Variants in INSR observed in about 807,000 individuals in gnomAD.
The protein encoded by INSR is insulin receptor, also known as IR.
Under a neutral mutation model 142.6 loss-of-function variants are expected in INSR, and 67 were observed. The observed-to-expected ratio is 0.47, with a 90% confidence interval of 0.39 to 0.58. The LOEUF is 0.58. Among genes scored for constraint, INSR ranks in the 20% least tolerant of loss-of-function variants. The pLI is 0.00. For missense variants in INSR, 1,248 were observed against 1,833.2 expected (o/e 0.68, Z 5.83); for synonymous variants, 756 against 743.1 (o/e 1.02, Z -0.28).
chr19:7,125,847 A>C lies in INSR; in HGVS notation c.3014-320T>G, dbSNP rs1972633263. Among the ~76,000 whole-genome samples the C allele has an allele frequency of 6.6e-6, 1 of 151,968 alleles. No individual in the cohort carries two copies. The highest frequency in any genetic ancestry group is 2.1e-4 in the South Asian group (1 of 4,830). Reference sequence around the variant, plus strand: ...ATGGAATGATGCTACTTCCCACCTGAGACTACTGTTTCTGCAAAGTGCCAA... The same window carrying C: ...ATGGAATGATGCTACTTCCCACCTGCGACTACTGTTTCTGCAAAGTGCCAA... On this transcript the variant is annotated intron_variant, in intron 16 of 21. Transcript: ENST00000302850. This position sits in a 1 kb window ranked among gnomAD's most constrained non-coding sequence, Gnocchi z 4.9.
intron 5 of INSR, 97 bp downstream of exon 5, chr19:7,172,193 T>C: frequency 7.5e-7 from 1 of 1,340,346 alleles, no homozygotes; most frequent in Non-Finnish European, 1.1e-6. Flanking sequence ...ATTACAGGCA[T>C]CAGCCACCAC....
At chr19:7,151,702 A>G (rs1973366605) in intron 10 of INSR, among the ~76,000 whole-genome samples, 1 of 150,540 alleles carries the variant, frequency 6.6e-6, no homozygotes, top group South Asian at 2.1e-4. Context: ...AGAAAAAGAA[A>G]AGAAAAAAAA....
At position 7,276,754 on chromosome 19, in the gene INSR, G is replaced by A. The variant is rs11666226; in HGVS notation, c.101-8858C>T. Among the ~76,000 whole-genome samples the A allele has an allele frequency of 8.1e-3, 1,230 of 151,336 alleles. 15 individuals are homozygous for A. Among genetic ancestry groups the A allele is most frequent in the African/African-American group, 0.028 (1,145 of 41,198 alleles). ...ATTTATTTATTTTTATTTTTGAGAC[G>A]GAGTCTCACTCTGTCTCCCAGGCTG... On this transcript the variant is annotated intron_variant, in intron 1 of 21. Coordinates refer to ENST00000302850, the MANE Select transcript of INSR (RefSeq NM_000208.4).
intron 4 of INSR, among the ~76,000 whole-genome samples, chr19:7,172,642 C>T (rs779623009): frequency 2.0e-5 from 3 of 152,096 alleles, no homozygotes; most frequent in East Asian, 3.8e-4. Flanking sequence ...GCACTGGCTG[C>T]GTCTGTTGCT....
intron 11 of INSR, among the ~76,000 whole-genome samples, chr19:7,147,220 G>T (rs1203121865): frequency 6.6e-6 from 1 of 151,498 alleles, no homozygotes; most frequent in Non-Finnish European, 1.5e-5. Context: ...TGTTGCCCAG[G>T]CTGGAGGGCA....
At chr19:7,194,278 G>A (rs1033213249) in intron 2 of INSR, among the ~76,000 whole-genome samples, 7 of 151,946 alleles carry the variant, frequency 4.6e-5, no homozygotes, top group Non-Finnish European at 7.4e-5. Flanking sequence ...TTAGCTGGGC[G>A]TGGTGGTAGG....
intron 3 of INSR, among the ~76,000 whole-genome samples, chr19:7,178,280 G>A (rs1974191162): frequency 7.5e-6 from 1 of 133,144 alleles, no homozygotes; most frequent in South Asian, 2.8e-4. Context: ...AGGGTGGGGG[G>A]CGGTCACCAG....
chr19:7,147,279 A>G (rs1973207927), intron 11 of INSR, among the ~76,000 whole-genome samples: 1 of 151,618 alleles, frequency 6.6e-6, no homozygotes, highest in African/African-American at 2.4e-5. Context: ...GGTTCAAGTG[A>G]TTCTTCTGCC....
intron 2 of INSR, among the ~76,000 whole-genome samples, chr19:7,199,599 A>G (rs1974895843): frequency 8.7e-6 from 1 of 114,626 alleles, no homozygotes; most frequent in South Asian, 2.7e-4. Flanking sequence ...GGGTCTCTCT[A>G]TGTTGCCTAG....
chr19:7,263,015 C>CA (rs1404980255), intron 2 of INSR, among the ~76,000 whole-genome samples: 2 of 152,146 alleles, frequency 1.3e-5, no homozygotes, highest in Non-Finnish European at 2.9e-5. Flanking sequence ...CGGTGGCACT[C>CA]ACCTGTAATC....
intron 2 of INSR, among the ~76,000 whole-genome samples, chr19:7,190,282 T>C (rs1249197448): frequency 6.6e-6 from 1 of 152,122 alleles, no homozygotes; most frequent in Non-Finnish European, 1.5e-5. Flanking sequence ...CCTTCTTATT[T>C]CAGTGACTAT....
intron 17 of INSR, among the ~76,000 whole-genome samples, chr19:7,124,368 CAAAA>C (rs764900420): frequency 1.0e-4 from 2 of 19,578 alleles, no homozygotes; most frequent in Non-Finnish European, 9.7e-5. Flanking sequence ...GACTCCATCT[CAAAA>C]AAAAAAAAAA....
intron 9 of INSR, among the ~76,000 whole-genome samples, chr19:7,160,288 G>T (rs1406950129): frequency 1.3e-5 from 2 of 152,020 alleles, no homozygotes; most frequent in African/African-American, 4.8e-5. Flanking sequence ...CTGAGTAGCT[G>T]GGATTACAGG....
chr19:7,253,614 G>A (rs1976801714), intron 2 of INSR, among the ~76,000 whole-genome samples: 1 of 152,312 alleles, frequency 6.6e-6, no homozygotes, highest in Non-Finnish European at 1.5e-5. Context: ...TTGGAGGAAG[G>A]TGGCCCAATC....
chr19:7,158,435 A>G (rs1030156772), intron 9 of INSR, among the ~76,000 whole-genome samples: 1 of 152,104 alleles, frequency 6.6e-6, no homozygotes, highest in Non-Finnish European at 1.5e-5. Flanking sequence ...CGGGAGGCGG[A>G]GCTTGCAGTG....
At chr19:7,291,349 C>T (rs376804276) in intron 1 of INSR, among the ~76,000 whole-genome samples, 6 of 152,184 alleles carry the variant, frequency 3.9e-5, no homozygotes, top group East Asian at 1.9e-4. Flanking sequence ...AAGATTAAAC[C>T]GCACCTCGTG....
intron 1 of INSR, among the ~76,000 whole-genome samples, chr19:7,271,473 C>T (rs528899307): frequency 2.6e-5 from 4 of 152,092 alleles, no homozygotes; most frequent in East Asian, 3.9e-4. Flanking sequence ...CCAGCCTGGG[C>T]GACAGAGCGA....
At chr19:7,135,302 TTC>T (rs1412101843) in intron 13 of INSR, among the ~76,000 whole-genome samples, 9 of 104,030 alleles carry the variant, frequency 8.7e-5, no homozygotes, top group Non-Finnish European at 3.9e-5. Context: ...GAAATGCATC[TTC>T]TTTTTTTTTT....
At chr19:7,285,733 G>T (rs1423486916) in intron 1 of INSR, among the ~76,000 whole-genome samples, 2 of 152,202 alleles carry the variant, frequency 1.3e-5, no homozygotes, top group Admixed American at 6.6e-5. Context: ...TCAACTTTAG[G>T]AATATTAATC....
Sources: gnomAD v4.1 joint callset for allele counts (sites outside exome capture counted in the v4.1 genomes callset) on GRCh38, gnomAD v4.1.1 for gene constraint, Gnocchi (gnomAD v3.1) non-coding constraint, MANE v1.5 for transcripts, NCBI Gene and HGNC (gene_info 2026-07-23, HGNC 2026-07-21) for gene names.